The following ZNF841 variants were observed in gnomAD, a reference collection of about 807,000 sequenced individuals.
The protein encoded by ZNF841 is zinc finger protein 841.
Under a neutral mutation model 13.0 loss-of-function variants are expected in ZNF841, and 11 were observed. The ratio of observed to expected loss-of-function variants is 0.85; its 90% confidence interval spans 0.53 to 1.40. The LOEUF is 1.40. Among genes scored for constraint, ZNF841 ranks in the 40% most tolerant of loss-of-function variants. The pLI is 0.00. For synonymous variants in ZNF841, 369 were observed against 381.6 expected (o/e 0.97, Z 0.38); for missense variants, 1,068 against 1,139.5 (o/e 0.94, Z 0.90).
intron 6 of ZNF841, among the ~76,000 whole-genome samples, chr19:52,068,207 T>G (rs769219869): frequency 1.3e-5 from 2 of 152,056 alleles, no homozygotes; most frequent in African/African-American, 2.4e-5. Flanking sequence ...AGTATATAAC[T>G]AGAAAATATG....
intron 1 of ZNF841, among the ~76,000 whole-genome samples, chr19:52,095,254 C>T (rs1272016096): frequency 6.6e-6 from 1 of 152,140 alleles, no homozygotes; most frequent in African/African-American, 2.4e-5. Context: ...GAGGACGACA[C>T]GAGGTGGCGC....
rs2087603577 is a variant in ZNF841 at position 52,067,159 on chromosome 19, AT to A, written c.722del (p.Asp241ValfsTer22). On this transcript the variant is annotated frameshift_variant, in exon 7 of 7. Coordinates refer to ENST00000594440, the MANE Select transcript of ZNF841 (RefSeq NM_001136499.2). LOFTEE classifies it low-confidence loss of function (END_TRUNC). ...QTNISRKYGN[D>X]FLQLSLPTQD... ...GTGTAGGTAACGAAAGTTGCAAAAA[AT>A]CATTCCCATATTTCCTAGAAATGTT... The A allele has an allele frequency of 6.4e-7, 1 of 1,553,702 alleles. No homozygotes were observed. The highest frequency in any genetic ancestry group is 1.4e-5 in the African/African-American group (1 of 73,110).
At chr19:52,086,479 C>T (rs757616443) in intron 3 of ZNF841, among the ~76,000 whole-genome samples, 4 of 152,302 alleles carry the variant, frequency 2.6e-5, no homozygotes, top group Middle Eastern at 3.4e-3. Context: ...AAGCAGATGT[C>T]GCCATGCTTC....
At position 52,065,897 on chromosome 19, in the gene ZNF841, T is replaced by A. The variant is rs770556649; in HGVS notation, c.1985A>T (p.Tyr662Phe). 3.7e-6 allele frequency: 6 copies of A among 1,613,876 alleles called. No individual in the cohort carries two copies. The highest frequency in any genetic ancestry group is 5.1e-6 in the Non-Finnish European group (6 of 1,179,966). ...PYKCNDCGKA[Y>F]TQRSSLTKHL... Reference sequence around the variant, plus strand: ...TTTAGTGAGGCTTGAACGCTGAGTATAGGCTTTGCCACAATCATTACATTT... The same window carrying A: ...TTTAGTGAGGCTTGAACGCTGAGTAAAGGCTTTGCCACAATCATTACATTT... Residue 662 changes from tyrosine to phenylalanine, a missense_variant, in exon 7 of 7, where the codon TAT becomes TTT. By Grantham distance (22) the Tyr-to-Phe change is conservative. Transcript: ENST00000594440.
At position 52,067,293 on chromosome 19, in the gene ZNF841, T is replaced by C. The variant is rs2087608985; in HGVS notation, c.589A>G (p.Lys197Glu). The C allele has an allele frequency of 3.9e-6, 6 of 1,551,704 alleles. No individual in the cohort carries two copies. Among genetic ancestry groups the C allele is most frequent in the Non-Finnish European group, 5.2e-6 (6 of 1,147,010 alleles). ...RFQSGLGELQKFQTAEKIYGC... is the reference protein window; with the variant it reads ...RFQSGLGELQEFQTAEKIYGC... ...TAAATTTTCTCTGCAGTTTGAAATT[T>C]CTGCAATTCACCCAGACCGGACTGA... Residue 197 changes from lysine to glutamate, a missense_variant, in exon 7 of 7, where the codon AAA becomes GAA. Lys to Glu is a moderately conservative substitution (Grantham distance 56). Coordinates refer to ENST00000594440, the MANE Select transcript of ZNF841 (RefSeq NM_001136499.2).
At chr19:52,088,143 G>A (rs978093576) in intron 3 of ZNF841, among the ~76,000 whole-genome samples, 3 of 151,122 alleles carry the variant, frequency 2.0e-5, no homozygotes, top group African/African-American at 4.9e-5. Flanking sequence ...AAAAGACCCC[G>A]CAGAAGTCAC....
chr19:52,078,127 T>C (rs930601397), intron 4 of ZNF841, among the ~76,000 whole-genome samples: 1 of 151,854 alleles, frequency 6.6e-6, no homozygotes, highest in Non-Finnish European at 1.5e-5. Context: ...CCATCTCTAC[T>C]AAAAATACAA....
chr19:52,088,717 A>G (rs1191200946), intron 3 of ZNF841, among the ~76,000 whole-genome samples: 2 of 152,214 alleles, frequency 1.3e-5, no homozygotes, highest in Non-Finnish European at 2.9e-5. Context: ...GATGTTAATC[A>G]TCTCCATGTG....
intron 3 of ZNF841, among the ~76,000 whole-genome samples, chr19:52,088,203 C>A (rs528997152): frequency 5.9e-5 from 9 of 152,114 alleles, no homozygotes; most frequent in Non-Finnish European, 2.9e-5. Flanking sequence ...GCTCTCAAGA[C>A]CAACGAACCA....
At chr19:52,087,197 C>T (rs16983433) in intron 3 of ZNF841, among the ~76,000 whole-genome samples, 32,123 of 152,042 alleles carry the variant, frequency 0.21, 4,732 homozygotes, top group African/African-American at 0.41. Flanking sequence ...AAAGTATTTT[C>T]GTTGTTTTCT....
At chr19:52,082,863 T>C (rs1402280588) in intron 4 of ZNF841, among the ~76,000 whole-genome samples, 1 of 151,938 alleles carries the variant, frequency 6.6e-6, no homozygotes, top group East Asian at 1.9e-4. Context: ...GGCGGATCAC[T>C]AGGTCAGGAG....
rs1467828707 is a variant in ZNF841 at position 52,084,876 on chromosome 19, A to G, written c.-75T>C. 2.0e-6 allele frequency: 3 copies of G among 1,477,770 alleles called. No homozygotes were observed. In the African/African-American group the frequency reaches 4.3e-5, roughly 21 times the overall value. 91.5% of individuals were successfully genotyped at this position (1,477,770 alleles called of 1,614,324 possible). A position where few individuals can be genotyped will look rare whatever the true frequency, so the allele number is the denominator to read the frequency against. On this transcript the variant is annotated splice_region_variant and 5_prime_UTR_variant, in exon 4 of 7. Transcript: ENST00000594440. ...AATATAATTAATTCTTTAAAAGTCA[A>G]ATCTGAAAGTCAAAAATATGTTGTT... is the stretch of plus-strand genomic sequence containing the variant.
intron 6 of ZNF841, among the ~76,000 whole-genome samples, chr19:52,068,988 G>A (rs565474630): frequency 6.6e-6 from 1 of 152,194 alleles, no homozygotes; most frequent in South Asian, 2.1e-4. Flanking sequence ...AATAAAACTT[G>A]GGAAAGGAAA....
chr19:52,066,147 T>A lies in ZNF841; in HGVS notation c.1735A>T (p.Thr579Ser). 1 of 1,614,030 alleles carries A rather than the reference T, an allele frequency of 6.2e-7. No homozygotes were observed. The highest frequency in any genetic ancestry group is 8.5e-7 in the Non-Finnish European group (1 of 1,179,938). Residue 579 changes from threonine (T) to serine (S), a missense_variant, in exon 7 of 7, where the codon ACT becomes TCT. Transcript: ENST00000594440. ...TGACGTGCTAGGCATGAATAGTAAG[T>A]GAAGACCATGCCACATTTATTACAA... is the stretch of plus-strand genomic sequence containing the variant. ...LHCNKCGMVF[T>S]YYSCLARHQR...
At chr19:52,088,419 T>A (rs1353958454) in intron 3 of ZNF841, among the ~76,000 whole-genome samples, 1 of 152,184 alleles carries the variant, frequency 6.6e-6, no homozygotes, top group Non-Finnish European at 1.5e-5. Flanking sequence ...GAAAAAGGTA[T>A]GCCAGAAATG....
At chr19:52,091,825 T>C (rs2088507080) in intron 2 of ZNF841, among the ~76,000 whole-genome samples, 1 of 152,184 alleles carries the variant, frequency 6.6e-6, no homozygotes, top group Non-Finnish European at 1.5e-5. Context: ...ATGGTGGGAC[T>C]ACATCAAACT....
chr19:52,088,400 C>A (rs1229579444), intron 3 of ZNF841, among the ~76,000 whole-genome samples: 2 of 151,836 alleles, frequency 1.3e-5, no homozygotes, highest in African/African-American at 2.4e-5. Flanking sequence ...AACCATGTAC[C>A]CTAATTAAGA....
At chr19:52,077,127 C>T in intron 4 of ZNF841, 43 bp from the exon 5 acceptor site, 2 of 1,553,544 alleles carry the variant, frequency 1.3e-6, no homozygotes, top group East Asian at 4.6e-5. Flanking sequence ...TGGGTGAGCT[C>T]TTATCTTTAC....
intron 2 of ZNF841, among the ~76,000 whole-genome samples, chr19:52,090,389 T>C (rs1442907890): frequency 1.3e-5 from 2 of 151,858 alleles, no homozygotes; most frequent in Non-Finnish European, 2.9e-5. Context: ...AGTGAGACTC[T>C]TTCTCTACAA....
Sources: allele counts gnomAD v4.1 joint callset (sites outside exome capture counted in the v4.1 genomes callset), GRCh38; gene constraint gnomAD v4.1.1; transcripts MANE v1.5; gene names NCBI Gene and HGNC (gene_info 2026-07-23, HGNC 2026-07-21).